The following PRKN variants were observed in gnomAD, a reference collection of about 807,000 sequenced individuals.
PRKN encodes parkin RBR E3 ubiquitin protein ligase, also known as E3 ubiquitin-protein ligase parkin.
PRKN carries 56 observed loss-of-function variants against 59.5 expected under a neutral mutation model. That is an observed-to-expected ratio of 0.94 (90% CI 0.76 to 1.18). The LOEUF (loss-of-function observed/expected upper bound fraction) is 1.18. Ranked by LOEUF, PRKN falls within the 50% of genes most tolerant of loss-of-function variation. The pLI is 0.00. For synonymous variants in PRKN, 250 were observed against 222.1 expected (o/e 1.13, Z -1.12); for missense variants, 657 against 596.4 (o/e 1.10, Z -1.06).
intron 9 of PRKN, among the ~76,000 whole-genome samples, chr6:161,431,602 T>C (rs1331622318): frequency 6.6e-6 from 1 of 151,910 alleles, no homozygotes; most frequent in Non-Finnish European, 1.5e-5. Context: ...TTTCTTTCTT[T>C]TCTTTTCTTT....
intron 1 of PRKN, among the ~76,000 whole-genome samples, chr6:162,604,999 T>C (rs940023561): frequency 6.6e-6 from 1 of 152,134 alleles, no homozygotes; most frequent in African/African-American, 2.4e-5. Flanking sequence ...TTTGTTAGAA[T>C]ATATGCAAAA....
chr6:162,594,865 T>C (rs1034371514), intron 1 of PRKN, among the ~76,000 whole-genome samples: 1 of 152,214 alleles, frequency 6.6e-6, no homozygotes, highest in African/African-American at 2.4e-5. Context: ...TTATTTTCTC[T>C]CTGAATAATC....
rs1365314433 is a variant in PRKN, at chr6:161,566,574, C to A, written c.933+2781G>T. ...GGCGCCCGCCACCACACCCAGCTAA[C>A]TTCTGTATTTTTAGTAGAGACAGGG... On this transcript the variant is annotated intron_variant, in intron 8 of 11. Coordinates refer to ENST00000366898, the MANE Select transcript of PRKN (RefSeq NM_004562.3). This position sits in a 1 kb window ranked among gnomAD's most constrained non-coding sequence, Gnocchi z 4.1. Among the ~76,000 whole-genome samples the A allele has an allele frequency of 1.3e-5, 2 of 152,036 alleles. No individual in the cohort carries two copies. Among genetic ancestry groups the A allele is most frequent in the East Asian group, 3.9e-4 (2 of 5,144 alleles).
rs1786589300 is a variant in PRKN, at chr6:161,393,052, T to C, written c.1084-6175A>G. ...CTTTGAGGTAGAGAGACCCGGAGTC[T>C]GAGGCCTCTTGGATCATTTATTATC... On this transcript the variant is annotated intron_variant, in intron 9 of 11. Coordinates refer to ENST00000366898, the MANE Select transcript of PRKN (RefSeq NM_004562.3). This position sits in a 1 kb window ranked among gnomAD's most constrained non-coding sequence, Gnocchi z 4.7. Among the ~76,000 whole-genome samples, 1 of 152,172 alleles carries C rather than the reference T, an allele frequency of 6.6e-6. No homozygotes were observed. Among genetic ancestry groups the C allele is most frequent in the South Asian group, 2.1e-4 (1 of 4,832 alleles).
chr6:162,663,679 T>G (rs1778985454), intron 1 of PRKN, among the ~76,000 whole-genome samples: 1 of 152,062 alleles, frequency 6.6e-6, no homozygotes, highest in Non-Finnish European at 1.5e-5. Context: ...CAAGTTAGAT[T>G]GGGGATTAAG....
At position 161,460,926 on chromosome 6, in the gene PRKN, C is replaced by CT. The variant is rs34038024; in HGVS notation, c.1084-74050dup. On this transcript the variant is annotated intron_variant, in intron 9 of 11. Coordinates refer to ENST00000366898, the MANE Select transcript of PRKN (RefSeq NM_004562.3). This position sits in a 1 kb window ranked among gnomAD's most constrained non-coding sequence, Gnocchi z 5.0. ...CACCACGCCCAGCTAATTTTTCTTT[C>CT]TTTTTTTTTTTTAGCAGAGACGGGG... Among the ~76,000 whole-genome samples the CT allele has an allele frequency of 0.03, 4,351 of 143,384 alleles. 80 individuals carry two copies. The highest frequency in any genetic ancestry group is 0.061 in the African/African-American group (2,395 of 39,424). The allele number at this position is 143,384 out of a possible 152,430, so 94.1% of individuals were successfully genotyped here. A position where few individuals can be genotyped will look rare whatever the true frequency, so the allele number is the denominator to read the frequency against.
At chr6:162,107,994 A>G (rs1477562084) in intron 4 of PRKN, among the ~76,000 whole-genome samples, 1 of 152,252 alleles carries the variant, frequency 6.6e-6, no homozygotes, top group African/African-American at 2.4e-5. Context: ...TATTTAATAT[A>G]CACTATGCAC....
In PRKN at chr6:161,428,725, T is replaced by A. The variant is rs1020537526; in HGVS notation, c.1084-41848A>T. On this transcript the variant is annotated intron_variant, in intron 9 of 11. Transcript: ENST00000366898. This position sits in a 1 kb window ranked among gnomAD's most constrained non-coding sequence, Gnocchi z 4.0. ...CAAAAAAAGCACATTCACATTTTTT[T>A]TCTTTCATTTTTCTGCCTGAGTACC... Among the ~76,000 whole-genome samples, 2 of 152,218 alleles carry A rather than the reference T, an allele frequency of 1.3e-5. No homozygotes were observed. The highest frequency in any genetic ancestry group is 2.9e-5 in the Non-Finnish European group (2 of 68,046).
rs75489759 is a variant in PRKN at position 161,857,410 on chromosome 6, T to A, written c.735-71502A>T. 9.8e-3 allele frequency among the ~76,000 whole-genome samples: 1,493 copies of A among 152,280 alleles called. 37 individuals are homozygous for A. Among genetic ancestry groups the A allele is most frequent in the African/African-American group, 0.034 (1,414 of 41,546 alleles). ...TGGTGGGCTGCATTTGGTGCATGGATCCTAGTTTGCTGACACCTGGCTTAG... is the reference window on the plus strand; with the variant it reads ...TGGTGGGCTGCATTTGGTGCATGGAACCTAGTTTGCTGACACCTGGCTTAG... On this transcript the variant is annotated intron_variant, in intron 6 of 11. Transcript: ENST00000366898.
chr6:162,059,824 C>G (rs1582971501), intron 4 of PRKN, among the ~76,000 whole-genome samples: 1 of 152,144 alleles, frequency 6.6e-6, no homozygotes, highest in East Asian at 1.9e-4. Flanking sequence ...GGTGAGGAAA[C>G]CATGGGCTGC....
intron 3 of PRKN, among the ~76,000 whole-genome samples, chr6:162,249,855 A>G (rs1779350734): frequency 1.3e-5 from 2 of 152,010 alleles, no homozygotes; most frequent in African/African-American, 4.8e-5. Context: ...ACAAAACGAA[A>G]CCTTTGTGGG....
chr6:161,972,499 T>C (rs1421308094), intron 6 of PRKN, among the ~76,000 whole-genome samples: 1 of 152,148 alleles, frequency 6.6e-6, no homozygotes, highest in African/African-American at 2.4e-5. Context: ...CCGCAATTCG[T>C]ATTGAGTCGT....
At chr6:162,091,905 A>T (rs1321878499) in intron 4 of PRKN, among the ~76,000 whole-genome samples, 1 of 151,912 alleles carries the variant, frequency 6.6e-6, no homozygotes, top group Non-Finnish European at 1.5e-5. Context: ...GCATGGTGGC[A>T]CATGCCTGTA....
intron 2 of PRKN, among the ~76,000 whole-genome samples, chr6:162,368,365 A>T (rs1346521721): frequency 6.6e-6 from 1 of 152,180 alleles, no homozygotes; most frequent in Non-Finnish European, 1.5e-5. Context: ...GACTCTTTGT[A>T]TTACTACAGA....
chr6:162,004,450 T>C (rs1298522450), intron 5 of PRKN, among the ~76,000 whole-genome samples: 1 of 152,172 alleles, frequency 6.6e-6, no homozygotes, highest in Non-Finnish European at 1.5e-5. Context: ...TATATTTCTT[T>C]ATAGCAGAGC....
rs114072327 is a variant in PRKN, at chr6:161,614,788, G to A, written c.872-45372C>T. ...TTACAGAAATTCAAACAAAATCTTC[G>A]CTTAATATTACTCTCCTTTCCCCCA... On this transcript the variant is annotated intron_variant, in intron 7 of 11. Coordinates refer to ENST00000366898, the MANE Select transcript of PRKN (RefSeq NM_004562.3). 5.2e-3 allele frequency among the ~76,000 whole-genome samples: 785 copies of A among 152,262 alleles called. 5 individuals are homozygous for A. The highest frequency in any genetic ancestry group is 0.018 in the African/African-American group (741 of 41,540).
rs532916531 is a variant in PRKN at position 161,875,191 on chromosome 6, A to G, written c.735-89283T>C. On this transcript the variant is annotated intron_variant, in intron 6 of 11. Transcript: ENST00000366898. ...TAATATAAAATATATGTGTGTGTGT[A>G]TATATGTATACATTTTTTTCTGAGA... 5.0e-3 allele frequency among the ~76,000 whole-genome samples: 689 copies of G among 139,028 alleles called. 8 individuals are homozygous for G. Among genetic ancestry groups the G allele is most frequent in the African/African-American group, 0.018 (630 of 34,494 alleles). The allele number at this position is 139,028 out of a possible 152,430, so 91.2% of individuals were successfully genotyped here. A position where few individuals can be genotyped will look rare whatever the true frequency, so the allele number is the denominator to read the frequency against.
intron 4 of PRKN, among the ~76,000 whole-genome samples, chr6:162,121,726 G>C (rs1219068599): frequency 1.3e-5 from 2 of 152,150 alleles, no homozygotes; most frequent in Non-Finnish European, 2.9e-5. Context: ...ATGTGGGGTG[G>C]CCATGATGAA....
At chr6:162,037,354 T>C (rs1041942402) in intron 5 of PRKN, among the ~76,000 whole-genome samples, 2 of 152,102 alleles carry the variant, frequency 1.3e-5, no homozygotes, top group Admixed American at 6.5e-5. Flanking sequence ...ATGAGCACAT[T>C]ATATGAAGTA....
Sources: gnomAD v4.1 joint callset for allele counts (sites outside exome capture counted in the v4.1 genomes callset) on GRCh38, gnomAD v4.1.1 for gene constraint, Gnocchi (gnomAD v3.1) non-coding constraint, MANE v1.5 for transcripts, NCBI Gene and HGNC (gene_info 2026-07-23, HGNC 2026-07-21) for gene names.